Variants in SORCS1 observed in about 807,000 individuals in gnomAD.
SORCS1 encodes VPS10 domain-containing receptor SorCS1.
In SORCS1, 60 loss-of-function variants were observed where a neutral mutation model predicts 146.1. The observed-to-expected ratio is 0.41, with a 90% CI of 0.33 to 0.51. The LOEUF (loss-of-function observed/expected upper bound fraction) is 0.51, where lower values mean the gene tolerates loss of function less well. Among genes scored for constraint, SORCS1 ranks in the 20% least tolerant of loss-of-function variants. SORCS1 has a pLI of 0.21. For synonymous variants in SORCS1, 637 were observed against 584.0 expected (o/e 1.09, Z -1.31); for missense variants, 1,352 against 1,487.6 (o/e 0.91, Z 1.50).
chr10:106,962,446 A>T (rs1955278323), intron 1 of SORCS1, among the ~76,000 whole-genome samples: 1 of 150,714 alleles, frequency 6.6e-6, no homozygotes, highest in Non-Finnish European at 1.5e-5. Context: ...GAAAATGGGG[A>T]CATATCTCTT....
chr10:106,783,785 G>T lies in SORCS1; in HGVS notation c.727-7093C>A, dbSNP rs532693568. ...GTCCTTCCAGCATGATTCTTCCGTA[G>T]ATTGGATTTTATGCTTTATCATAAA... On this transcript the variant is annotated intron_variant, in intron 3 of 25. Coordinates refer to ENST00000263054, the MANE Select transcript of SORCS1 (RefSeq NM_052918.5). Among the ~76,000 whole-genome samples, 30 of 152,308 alleles carry T rather than the reference G, an allele frequency of 2.0e-4. No homozygotes were observed. The South Asian group carries it at 5.8e-3, about 29-fold the overall frequency.
At chr10:107,094,764 C>T (rs6584796) in intron 1 of SORCS1, among the ~76,000 whole-genome samples, 1 of 151,900 alleles carries the variant, frequency 6.6e-6, no homozygotes, top group Non-Finnish European at 1.5e-5. Context: ...AGACCAAAAG[C>T]AAAAGTAGCA....
At chr10:107,088,756 T>C (rs1005910455) in intron 1 of SORCS1, among the ~76,000 whole-genome samples, 2 of 152,198 alleles carry the variant, frequency 1.3e-5, no homozygotes, top group African/African-American at 4.8e-5. Flanking sequence ...GAGTTTGAGT[T>C]ACATAAATGG....
chr10:107,008,575 G>C lies in SORCS1; in HGVS notation c.559-51995C>G, dbSNP rs532189236. Among the ~76,000 whole-genome samples, 4 of 152,228 alleles carry C rather than the reference G, an allele frequency of 2.6e-5. No homozygotes were observed. In the South Asian group the frequency reaches 8.3e-4, roughly 32 times the overall value. ...ATTGATGAATAGGTTGTGTTAAACG[G>C]TACAATTAGAAACAATATTTGATAA... On this transcript the variant is annotated intron_variant, in intron 1 of 25. Coordinates refer to ENST00000263054, the MANE Select transcript of SORCS1 (RefSeq NM_052918.5).
chr10:106,816,246 G>C (rs1947735887), intron 3 of SORCS1, among the ~76,000 whole-genome samples: 2 of 152,144 alleles, frequency 1.3e-5, no homozygotes, highest in Non-Finnish European at 1.5e-5. Context: ...TAAGGCTACT[G>C]GTCAGTCAGA....
chr10:107,030,695 T>C (rs1044634091), intron 1 of SORCS1, among the ~76,000 whole-genome samples: 1 of 152,202 alleles, frequency 6.6e-6, no homozygotes, highest in African/African-American at 2.4e-5. Context: ...TCTCAATTAA[T>C]ACAAGTCATC....
At chr10:106,823,079 G>A (rs1436590856) in intron 3 of SORCS1, among the ~76,000 whole-genome samples, 1 of 151,942 alleles carries the variant, frequency 6.6e-6, no homozygotes, top group Admixed American at 6.6e-5. Flanking sequence ...CACCGCACCT[G>A]GACCATTTCT....
chr10:106,898,450 T>C (rs1951571364), intron 2 of SORCS1, among the ~76,000 whole-genome samples: 1 of 152,214 alleles, frequency 6.6e-6, no homozygotes, highest in Non-Finnish European at 1.5e-5. Context: ...ACCTGTGTCA[T>C]AATCTTCTTC....
intron 10 of SORCS1, among the ~76,000 whole-genome samples, chr10:106,685,248 C>T (rs821939): frequency 0.79 from 120,391 of 152,004 alleles, 50,388 homozygotes; most frequent in Non-Finnish European, 0.94. Flanking sequence ...GGAGTGCACA[C>T]TCCCAACGTG....
intron 12 of SORCS1, 57 bp downstream of exon 12, chr10:106,679,199 C>T (rs1352186941): frequency 2.8e-6 from 4 of 1,416,148 alleles, no homozygotes; most frequent in Non-Finnish European, 3.9e-6. Context: ...TTGAACCAAG[C>T]TGGGCAATTT....
At chr10:107,019,790 A>G (rs1338103026) in intron 1 of SORCS1, among the ~76,000 whole-genome samples, 1 of 152,248 alleles carries the variant, frequency 6.6e-6, no homozygotes, top group African/African-American at 2.4e-5. Context: ...TACTGAGCCC[A>G]TTGGGGCATG....
intron 17 of SORCS1, 36 bp from the exon 18 acceptor site, chr10:106,652,589 A>G (rs1174080906): frequency 6.2e-7 from 1 of 1,600,118 alleles, no homozygotes. Context: ...AAACCAGCTC[A>G]TTATAATGTG....
At chr10:107,066,301 G>C (rs548899388) in intron 1 of SORCS1, among the ~76,000 whole-genome samples, 10 of 152,222 alleles carry the variant, frequency 6.6e-5, no homozygotes, top group African/African-American at 2.2e-4. Flanking sequence ...ACTGTACTTT[G>C]ATCCAAGAGC....
intron 1 of SORCS1, among the ~76,000 whole-genome samples, chr10:106,983,035 T>C (rs1042474370): frequency 6.6e-6 from 1 of 151,436 alleles, no homozygotes; most frequent in Admixed American, 6.6e-5. Flanking sequence ...AAAAAAGACA[T>C]GCAAATGAGT....
intron 11 of SORCS1, 54 bp downstream of exon 11, chr10:106,679,578 C>A (rs1035276976): frequency 2.9e-5 from 41 of 1,417,466 alleles, no homozygotes; most frequent in Middle Eastern, 1.8e-4. Flanking sequence ...AGATATCTAG[C>A]TTCTTAAAAT....
At chr10:106,964,947 G>T (rs1955431959) in intron 1 of SORCS1, among the ~76,000 whole-genome samples, 1 of 150,690 alleles carries the variant, frequency 6.6e-6, no homozygotes, top group Admixed American at 6.7e-5. Context: ...TTAGCCACCA[G>T]ATCTAGTAGA....
At chr10:107,123,276 G>C (rs1354131009) in intron 1 of SORCS1, among the ~76,000 whole-genome samples, 1 of 152,104 alleles carries the variant, frequency 6.6e-6, no homozygotes, top group Non-Finnish European at 1.5e-5. Context: ...GATGTTGAAA[G>C]CTTAGACTAG....
chr10:106,627,613 A>G (rs990482846), intron 19 of SORCS1, among the ~76,000 whole-genome samples: 5 of 152,226 alleles, frequency 3.3e-5, no homozygotes, highest in Non-Finnish European at 7.3e-5. Flanking sequence ...TAGTAAGTGG[A>G]AAGTCCTGAA....
At chr10:107,033,888 C>T (rs921615752) in intron 1 of SORCS1, among the ~76,000 whole-genome samples, 2 of 152,124 alleles carry the variant, frequency 1.3e-5, no homozygotes, top group African/African-American at 2.4e-5. Context: ...GGTGAGGGAG[C>T]CTAGAGCTGG....
Sources: allele counts gnomAD v4.1 joint callset (sites outside exome capture counted in the v4.1 genomes callset), GRCh38; gene constraint gnomAD v4.1.1; transcripts MANE v1.5; gene names NCBI Gene and HGNC (gene_info 2026-07-23, HGNC 2026-07-21).